PCDHGB1: variants seen among roughly 807,000 people sequenced by gnomAD.
PCDHGB1 encodes protocadherin gamma subfamily B, 1, also known as protocadherin gamma-B1.
A neutral mutation model predicts 56.6 loss-of-function variants in PCDHGB1; 34 were observed. The ratio of observed to expected loss-of-function variants is 0.60; its 90% CI spans 0.46 to 0.80. The LOEUF (loss-of-function observed/expected upper bound fraction) is 0.80, where lower values mean the gene tolerates loss of function less well. Ranked by LOEUF, PCDHGB1 falls within the 30% of genes least tolerant of loss-of-function variation. PCDHGB1 has a pLI of 0.00. For missense variants in PCDHGB1, 1,278 were observed against 1,204.6 expected (o/e 1.06, Z -0.90); for synonymous variants, 561 against 505.9 (o/e 1.11, Z -1.46).
At position 141,422,169 on chromosome 5, in the gene PCDHGB1, A is replaced by G. The variant is rs1386896405; in HGVS notation, c.2409+69500A>G. 2.6e-6 allele frequency: 4 copies of G among 1,563,898 alleles called. No homozygotes were observed. In the South Asian group the frequency reaches 4.9e-5, roughly 19 times the overall value. On this transcript the variant is annotated intron_variant, in intron 1 of 3. Coordinates refer to ENST00000523390, the MANE Select transcript of PCDHGB1 (RefSeq NM_018922.3). ...GGTCTCTGGATTTTGAAAAATATAG[A>G]TTCTATGAGATGGAAATTCAAGGCC...
At chr5:141,366,451 C>A (rs372498112) in intron 1 of PCDHGB1, 8 of 1,614,110 alleles carry the variant, frequency 5.0e-6, no homozygotes, top group Non-Finnish European at 6.8e-6. Context: ...TCCTGGCCTT[C>A]GTCATCGTGC....
chr5:141,400,376 T>C (rs534277122), intron 1 of PCDHGB1: 1 of 1,614,070 alleles, frequency 6.2e-7, no homozygotes, highest in East Asian at 2.2e-5. Flanking sequence ...TCCTACAACC[T>C]ATGTGTTGCA....
intron 2 of PCDHGB1, among the ~76,000 whole-genome samples, chr5:141,498,710 T>C (rs2099785302): frequency 1.3e-5 from 2 of 152,108 alleles, no homozygotes. Flanking sequence ...GGTGGGTGGA[T>C]CACCTGAGGT....
Position 141,491,030 on chromosome 5 carries a change from C to T in PCDHGB1, c.2410-3777C>T. ...GTCACCAAGGTGACAGCCGTGGATG[C>T]TGATGCAGGCCACAATGCGTGGCTC... On this transcript the variant is annotated intron_variant, in intron 1 of 3. Transcript: ENST00000523390. The surrounding 1 kb of genome is among the most constrained non-coding windows in gnomAD (Gnocchi z 6.9). 6.2e-7 allele frequency: 1 copy of T among 1,614,148 alleles called. No individual in the cohort carries two copies. Among genetic ancestry groups the T allele is most frequent in the South Asian group, 1.1e-5 (1 of 91,088 alleles).
chr5:141,438,627 TATATATATACAC>T (rs1324653166), intron 1 of PCDHGB1, among the ~76,000 whole-genome samples: 191 of 47,978 alleles, frequency 4.0e-3, no homozygotes, highest in African/African-American at 0.016. Flanking sequence ...TATATATATA[TATATATATACAC>T]ACACACACAC....
At chr5:141,478,620 G>A (rs1400703951) in intron 1 of PCDHGB1, 2 of 1,555,472 alleles carry the variant, frequency 1.3e-6, no homozygotes, top group East Asian at 2.4e-5. Context: ...AAGGAATGGA[G>A]CTGTTTTTTT....
intron 1 of PCDHGB1, chr5:141,392,651 C>G (rs1228467133): frequency 1.4e-6 from 1 of 708,830 alleles, no homozygotes; most frequent in Non-Finnish European, 2.2e-6. Flanking sequence ...CGAAGACCCG[C>G]AGATGCCACA....
intron 1 of PCDHGB1, chr5:141,389,425 C>T (rs1464186383): frequency 3.1e-6 from 5 of 1,613,500 alleles, no homozygotes; most frequent in Admixed American, 1.7e-5. Flanking sequence ...GTGGTGTTCG[C>T]GCAGCGCGCC....
At chr5:141,354,016 T>C (rs148362038) in intron 1 of PCDHGB1, among the ~76,000 whole-genome samples, 45 of 152,350 alleles carry the variant, frequency 3.0e-4, no homozygotes, top group African/African-American at 1.1e-3. Context: ...TTACTGTAAG[T>C]ATTCATAAGA....
chr5:141,379,975 C>T (rs2150153765), intron 1 of PCDHGB1, among the ~76,000 whole-genome samples: 1 of 132,632 alleles, frequency 7.5e-6, no homozygotes, highest in South Asian at 2.6e-4. Flanking sequence ...TCTCTGCTCA[C>T]TGCAACTTCC....
In PCDHGB1 at chr5:141,487,598, C is replaced by T. The variant is rs1450685717; in HGVS notation, c.2410-7209C>T. 6.2e-7 allele frequency: 1 copy of T among 1,614,210 alleles called. No homozygotes were observed. The highest frequency in any genetic ancestry group is 8.5e-7 in the Non-Finnish European group (1 of 1,180,046). ...TCGCCCAAGCTGCCCACCCTCTGAT[C>T]TTCTCTATGGGCTAGAGGTGAGACC... is the stretch of plus-strand genomic sequence containing the variant. On this transcript the variant is annotated intron_variant, in intron 1 of 3. Transcript: ENST00000523390. The surrounding 1 kb of genome is among the most constrained non-coding windows in gnomAD (Gnocchi z 5.0).
intron 1 of PCDHGB1, chr5:141,419,406 C>A (rs367731612): frequency 1.9e-6 from 3 of 1,613,404 alleles, no homozygotes; most frequent in Non-Finnish European, 2.5e-6. Context: ...GTGGTGTTCG[C>A]GCAGCGCGCC....
chr5:141,366,586 CTA>C, intron 1 of PCDHGB1: 1 of 1,614,262 alleles, frequency 6.2e-7, no homozygotes, highest in Non-Finnish European at 8.5e-7. Flanking sequence ...TCCTGCAGAC[CTA>C]TTCCCACGAG....
At chr5:141,418,077 T>G (rs770464447) in intron 1 of PCDHGB1, 4 of 1,613,914 alleles carry the variant, frequency 2.5e-6, no homozygotes, top group African/African-American at 1.3e-5. Context: ...GCGGAGAAGC[T>G]GCACTTCAGC....
At chr5:141,383,566 T>C (rs1357683326) in intron 1 of PCDHGB1, 2 of 1,613,308 alleles carry the variant, frequency 1.2e-6, no homozygotes, top group Non-Finnish European at 1.7e-6. Context: ...CCCGCCCCGA[T>C]CCAGCACCGC....
intron 1 of PCDHGB1, chr5:141,361,665 G>T: frequency 6.2e-7 from 1 of 1,613,696 alleles, no homozygotes. Flanking sequence ...TGAGCGCGCA[G>T]AGCGGGGTGG....
intron 1 of PCDHGB1, chr5:141,396,613 C>G (rs1283036515): frequency 6.6e-6 from 1 of 151,276 alleles, no homozygotes; most frequent in Non-Finnish European, 1.5e-5. Context: ...GGGTGAGACT[C>G]CGTCTCAAAA....
intron 1 of PCDHGB1, chr5:141,419,325 A>G (rs1490162008): frequency 6.2e-7 from 1 of 1,613,586 alleles, no homozygotes; most frequent in Non-Finnish European, 8.5e-7. Flanking sequence ...CGTGTCTCCT[A>G]CTCTCTCATT....
At chr5:141,393,624 G>A (rs1190793808) in intron 1 of PCDHGB1, 1 of 1,613,972 alleles carries the variant, frequency 6.2e-7, no homozygotes, top group Non-Finnish European at 8.5e-7. Flanking sequence ...CGACCCGGAT[G>A]AGGGAATCAA....
Sources: gnomAD v4.1 joint callset for allele counts (sites outside exome capture counted in the v4.1 genomes callset) on GRCh38, gnomAD v4.1.1 for gene constraint, Gnocchi (gnomAD v3.1) non-coding constraint, MANE v1.5 for transcripts, NCBI Gene and HGNC (gene_info 2026-07-23, HGNC 2026-07-21) for gene names.